The following GRIK3 variants were observed in gnomAD, a reference collection of about 807,000 sequenced individuals.
GRIK3 encodes glutamate ionotropic receptor kainate type subunit 3.
A neutral mutation model predicts 102.5 loss-of-function variants in GRIK3; 29 were observed. That is an observed-to-expected ratio of 0.28 (90% CI 0.21 to 0.39). The LOEUF (loss-of-function observed/expected upper bound fraction) is 0.39, where lower values mean the gene tolerates loss of function less well. Among genes scored for constraint, GRIK3 ranks in the 10% least tolerant of loss-of-function variants. GRIK3 has a pLI of 1.00. For missense variants in GRIK3, 908 were observed against 1,252.4 expected (o/e 0.73, Z 4.15); for synonymous variants, 511 against 504.9 (o/e 1.01, Z -0.16).
chr1:36,803,468 G>C (rs116425600), intron 15 of GRIK3, among the ~76,000 whole-genome samples: 1 of 152,034 alleles, frequency 6.6e-6, no homozygotes, highest in African/African-American at 2.4e-5. Flanking sequence ...CGAAGTCTCT[G>C]TCTCCATGCT....
Position 36,987,264 on chromosome 1 carries a change from T to A in GRIK3, c.115+46730A>T, listed in dbSNP as rs555613875. ...CTGGCAGCACTGAGGTTCGATTCCATGTCTGCTCAGCAGAGCTCCCCTGGC... is the reference window on the plus strand; with the variant it reads ...CTGGCAGCACTGAGGTTCGATTCCAAGTCTGCTCAGCAGAGCTCCCCTGGC... On this transcript the variant is annotated intron_variant, in intron 1 of 15. Transcript: ENST00000373091. Among the ~76,000 whole-genome samples, 45 of 151,836 alleles carry A rather than the reference T, an allele frequency of 3.0e-4. No homozygotes were observed. In the South Asian group the frequency reaches 9.2e-3, roughly 31 times the overall value.
chr1:37,014,901 ATC>A (rs1290848485), intron 1 of GRIK3, among the ~76,000 whole-genome samples: 5 of 96,698 alleles, frequency 5.2e-5, no homozygotes, highest in African/African-American at 1.9e-4. Flanking sequence ...CTCTCTCTCT[ATC>A]TCTGTTTCTC....
chr1:36,982,960 C>T (rs1283918673), intron 1 of GRIK3, among the ~76,000 whole-genome samples: 3 of 152,322 alleles, frequency 2.0e-5, no homozygotes, highest in East Asian at 1.9e-4. Context: ...AATTAAAACC[C>T]GGCTGTCTCA....
intron 1 of GRIK3, among the ~76,000 whole-genome samples, chr1:36,901,693 T>C (rs1331677092): frequency 6.6e-6 from 1 of 152,168 alleles, no homozygotes; most frequent in East Asian, 1.9e-4. Context: ...CCACTGCTTT[T>C]CAAGATCACA....
intron 5 of GRIK3, among the ~76,000 whole-genome samples, chr1:36,868,928 G>T (rs1640815091): frequency 2.0e-5 from 3 of 152,244 alleles, no homozygotes; most frequent in Admixed American, 2.0e-4. Context: ...CTACAGGGCT[G>T]CAGTGGCTGG....
intron 1 of GRIK3, among the ~76,000 whole-genome samples, chr1:36,982,234 C>T (rs1478874696): frequency 1.3e-5 from 2 of 152,146 alleles, no homozygotes; most frequent in African/African-American, 2.4e-5. Flanking sequence ...AAGGTGAGTA[C>T]CTGGGACAGG....
chr1:36,984,488 T>C (rs1251740194), intron 1 of GRIK3, among the ~76,000 whole-genome samples: 4 of 152,166 alleles, frequency 2.6e-5, no homozygotes, highest in Admixed American at 2.6e-4. Context: ...CTCCTCCAAA[T>C]CCACAAATGG....
intron 1 of GRIK3, among the ~76,000 whole-genome samples, chr1:36,928,465 T>C (rs1557428552): frequency 6.6e-6 from 1 of 152,008 alleles, no homozygotes; most frequent in Non-Finnish European, 1.5e-5. Context: ...GTGTTTGGGG[T>C]GGGGGTGGAA....
chr1:36,973,359 CTT>C (rs1258445703), intron 1 of GRIK3, among the ~76,000 whole-genome samples: 1 of 151,762 alleles, frequency 6.6e-6, no homozygotes, highest in South Asian at 2.1e-4. Flanking sequence ...TTCCCACACT[CTT>C]TGCCTGGCTA....
At chr1:36,832,216 C>T (rs1640310750) in intron 10 of GRIK3, among the ~76,000 whole-genome samples, 1 of 152,238 alleles carries the variant, frequency 6.6e-6, no homozygotes, top group Non-Finnish European at 1.5e-5. Context: ...AGGCCGGAGC[C>T]TGTCACCTTT....
intron 2 of GRIK3, 134 bp from the exon 3 acceptor site, chr1:36,881,025 C>G (rs113340768): frequency 0.01 from 9,227 of 892,186 alleles, 68 homozygotes; most frequent in Non-Finnish European, 0.013. Flanking sequence ...TGGATGAGCT[C>G]TCTGAACCTC....
At chr1:36,840,566 A>AC (rs761996765) in intron 10 of GRIK3, among the ~76,000 whole-genome samples, 1 of 150,292 alleles carries the variant, frequency 6.7e-6, no homozygotes, top group Non-Finnish European at 1.5e-5. Flanking sequence ...AAAAAAAAAA[A>AC]AAAAAAAAAA....
At chr1:36,857,319 A>G (rs1380024713) in intron 7 of GRIK3, among the ~76,000 whole-genome samples, 1 of 152,296 alleles carries the variant, frequency 6.6e-6, no homozygotes, top group East Asian at 1.9e-4. Flanking sequence ...GCCAGAAGTC[A>G]GGTCTCAGAG....
At chr1:37,023,552 G>A (rs145968956) in intron 1 of GRIK3, among the ~76,000 whole-genome samples, 55 of 152,248 alleles carry the variant, frequency 3.6e-4, no homozygotes, top group Admixed American at 1.4e-3. Flanking sequence ...TCTGAAGCTC[G>A]TTAAAGTGTA....
chr1:36,818,836 C>T (rs1421466378), intron 12 of GRIK3, among the ~76,000 whole-genome samples: 1 of 152,226 alleles, frequency 6.6e-6, no homozygotes, highest in East Asian at 1.9e-4. Flanking sequence ...CCTGCCTGCC[C>T]CCTAAGCAGG....
intron 1 of GRIK3, among the ~76,000 whole-genome samples, chr1:36,920,837 G>A (rs1641458515): frequency 6.6e-6 from 1 of 152,218 alleles, no homozygotes; most frequent in African/African-American, 2.4e-5. Context: ...TGGGCAAAAA[G>A]AGGCTCCATT....
Position 36,806,085 on chromosome 1 carries a change from C to T in GRIK3, c.2314+19G>A, listed in dbSNP as rs1378150587. The T allele has an allele frequency of 6.3e-7, 1 of 1,584,396 alleles. No homozygotes were observed. Among genetic ancestry groups the T allele is most frequent in the Non-Finnish European group, 8.7e-7 (1 of 1,155,488 alleles). On this transcript the variant is annotated intron_variant, in intron 14 of 15. Coordinates refer to ENST00000373091, the MANE Select transcript of GRIK3 (RefSeq NM_000831.4). This position sits in a 1 kb window ranked among gnomAD's most constrained non-coding sequence, Gnocchi z 4.0. ...TCTGCCCACACACCCACCCCTCCCA[C>T]AGGCAGCCCCTCGCTCACCCATGGG...
At chr1:36,860,580 C>T (rs1327159597) in intron 5 of GRIK3, among the ~76,000 whole-genome samples, 1 of 152,234 alleles carries the variant, frequency 6.6e-6, no homozygotes, top group Non-Finnish European at 1.5e-5. Flanking sequence ...AGCGGTCAGC[C>T]TGTCTGTCGT....
At chr1:36,962,542 G>A (rs886522359) in intron 1 of GRIK3, among the ~76,000 whole-genome samples, 3 of 151,896 alleles carry the variant, frequency 2.0e-5, no homozygotes, top group African/African-American at 7.3e-5. Flanking sequence ...AGACTCCTAA[G>A]CCAGGGCCCT....
Sources: allele counts gnomAD v4.1 joint callset (sites outside exome capture counted in the v4.1 genomes callset), GRCh38; gene constraint gnomAD v4.1.1; non-coding constraint Gnocchi (gnomAD v3.1); transcripts MANE v1.5; gene names NCBI Gene and HGNC (gene_info 2026-07-23, HGNC 2026-07-21).